COQ8A: variants seen among roughly 807,000 people sequenced by gnomAD.
The protein encoded by COQ8A is coenzyme Q8A.
COQ8A carries 51 observed loss-of-function variants against 65.0 expected under a neutral mutation model. The ratio of observed to expected loss-of-function variants is 0.78; its 90% CI spans 0.63 to 0.99. The LOEUF (loss-of-function observed/expected upper bound fraction) is 0.99, where lower values mean the gene tolerates loss of function less well. Among genes scored for constraint, COQ8A ranks in the 50% least tolerant of loss-of-function variants. The pLI is 0.00. For missense variants in COQ8A, 940 were observed against 875.0 expected, an observed-to-expected ratio of 1.07 and a Z score of -0.94; for synonymous variants, 371 against 353.2, an observed-to-expected ratio of 1.05 and a Z score of -0.57.
intron 1 of COQ8A, among the ~76,000 whole-genome samples, chr1:226,943,269 C>A (rs955921914): frequency 5.9e-5 from 9 of 152,222 alleles, no homozygotes; most frequent in African/African-American, 1.9e-4. Context: ...GAGCTGTGTG[C>A]AAAATTAGAC....
At chr1:226,986,253 T>G (rs1279991031) in intron 14 of COQ8A, among the ~76,000 whole-genome samples, 200 bp from the exon 15 acceptor site, 1 of 152,180 alleles carries the variant, frequency 6.6e-6, no homozygotes, top group Non-Finnish European at 1.5e-5. Flanking sequence ...CACTCCCTTT[T>G]GTATCACATC....
At position 226,984,910 on chromosome 1, in the gene COQ8A, A is replaced by G. The variant is rs119468008; in HGVS notation, c.1541A>G (p.Tyr514Cys). The change falls in exon 13 of 15, where the codon TAT (tyrosine) becomes TGT (cysteine). Residue 514 changes from tyrosine to cysteine, a missense_variant. Tyr to Cys is a radical substitution (Grantham distance 194). Coordinates refer to ENST00000366777, the MANE Select transcript of COQ8A (RefSeq NM_020247.5). ...ALLDFGATRE[Y>C]DRSFTDLYIQ... is the part of the protein sequence containing the mutation. ...TTGGATTTTGGGGCAACGCGGGAAT[A>G]TGACAGATCCTTCACCGACCTCTAC... 2.5e-6 allele frequency: 4 copies of G among 1,614,048 alleles called. No individual in the cohort carries two copies. Among genetic ancestry groups the G allele is most frequent in the Non-Finnish European group, 3.4e-6 (4 of 1,180,030 alleles).
intron 1 of COQ8A, among the ~76,000 whole-genome samples, chr1:226,957,166 C>G (rs1276541705): frequency 2.7e-5 from 4 of 149,836 alleles, no homozygotes; most frequent in African/African-American, 9.8e-5. Context: ...TTCCGCTCTC[C>G]CTGGCTTCTG....
At chr1:226,977,581 C>T in intron 5 of COQ8A, 58 bp downstream of exon 5, 1 of 1,511,020 alleles carries the variant, frequency 6.6e-7, no homozygotes, top group South Asian at 1.2e-5. Context: ...TTGAGCCTGT[C>T]AGCCCCCAGC....
chr1:226,945,800 G>A (rs1042554142), intron 1 of COQ8A, among the ~76,000 whole-genome samples: 5 of 152,240 alleles, frequency 3.3e-5, no homozygotes, highest in Non-Finnish European at 1.5e-5. Flanking sequence ...CGGGGGTGAC[G>A]CAGAGGAAGC....
chr1:226,986,077 GGT>G (rs1286694491), intron 14 of COQ8A, among the ~76,000 whole-genome samples: 3 of 152,182 alleles, frequency 2.0e-5, no homozygotes, highest in East Asian at 3.9e-4. Context: ...ACGGCTGCTG[GGT>G]GTGTCTTGGG....
At chr1:226,953,186 C>T (rs1308224288) in intron 1 of COQ8A, among the ~76,000 whole-genome samples, 5 of 152,088 alleles carry the variant, frequency 3.3e-5, no homozygotes, top group Non-Finnish European at 2.9e-5. Context: ...CATGCCACCA[C>T]GCTTGGATAA....
At chr1:226,945,742 G>A (rs2148002212) in intron 1 of COQ8A, among the ~76,000 whole-genome samples, 1 of 152,344 alleles carries the variant, frequency 6.6e-6, no homozygotes, top group South Asian at 2.1e-4. Flanking sequence ...AGGAACAGCT[G>A]CCTGCTGGCT....
chr1:226,970,026 G>A (rs897177305), intron 4 of COQ8A, among the ~76,000 whole-genome samples: 5 of 152,120 alleles, frequency 3.3e-5, no homozygotes, highest in East Asian at 1.9e-4. Flanking sequence ...GAGTGCAGCG[G>A]CGTGATCTCG....
chr1:226,964,682 T>C (rs1261961432), intron 2 of COQ8A, among the ~76,000 whole-genome samples: 1 of 152,208 alleles, frequency 6.6e-6, no homozygotes, highest in African/African-American at 2.4e-5. Context: ...CCTGGAGGCC[T>C]TCTTGGCCCT....
At chr1:226,983,340 C>T in intron 8 of COQ8A, 1 of 674,412 alleles carries the variant, frequency 1.5e-6, no homozygotes, top group Non-Finnish European at 2.6e-6. Context: ...TGAGCTGTTC[C>T]CAGGGGTGAG....
At chr1:226,945,298 A>G (rs1454048016) in intron 1 of COQ8A, among the ~76,000 whole-genome samples, 1 of 152,152 alleles carries the variant, frequency 6.6e-6, no homozygotes, top group Non-Finnish European at 1.5e-5. Context: ...CCTCATCACA[A>G]TATATGCGGT....
At chr1:226,984,430 CAA>C in intron 11 of COQ8A, 116 bp from the exon 12 acceptor site, 1 of 1,268,276 alleles carries the variant, frequency 7.9e-7, no homozygotes, top group Non-Finnish European at 1.1e-6. Context: ...CACTGGGAAT[CAA>C]ACAGTCCCTA....
intron 1 of COQ8A, among the ~76,000 whole-genome samples, chr1:226,945,414 T>C (rs1361112481): frequency 6.6e-6 from 1 of 152,184 alleles, no homozygotes; most frequent in South Asian, 2.1e-4. Context: ...AAGTTCAAGC[T>C]CAGAGCCTGG....
chr1:226,984,573 G>C lies in COQ8A; in HGVS notation c.1424G>C (p.Cys475Ser), dbSNP rs757826123. 6.2e-7 allele frequency: 1 copy of C among 1,614,100 alleles called. No homozygotes were observed. Among genetic ancestry groups the C allele is most frequent in the Non-Finnish European group, 8.5e-7 (1 of 1,179,938 alleles). Reference protein sequence around the residue: ...NEICYNILVLCLRELFEFHFM... With the variant: ...NEICYNILVLSLRELFEFHFM... ...ATCTGCTACAACATCCTGGTTCTGT[G>C]CCTGAGGGAGCTGTTCGAGTTCCAC... Residue 475 changes from cysteine to serine, a missense_variant, in exon 12 of 15, where the codon TGC becomes TCC. Cys to Ser is a moderately radical substitution (Grantham distance 112, BLOSUM62 -1). Transcript: ENST00000366777.
rs1399193225 is a variant in COQ8A at position 226,982,706 on chromosome 1, T to A, written c.882T>A (p.Ala294=). Residue 294 remains alanine (A), a synonymous_variant, in exon 7 of 15, where the codon GCT becomes GCA. Transcript: ENST00000366777. ...QDDAFINPHL[A]KIFERVRQSA... is the part of the protein sequence containing the mutation. ...ATGCCTTTATCAACCCCCACCTGGCTAAGATCTTCGAGCGGGTGCGGCAGA... is the reference window on the plus strand; with the variant it reads ...ATGCCTTTATCAACCCCCACCTGGCAAAGATCTTCGAGCGGGTGCGGCAGA... 2 of 1,613,586 alleles carry A rather than the reference T, an allele frequency of 1.2e-6. No homozygotes were observed. The highest frequency in any genetic ancestry group is 2.7e-5 in the African/African-American group (2 of 74,934).
At chr1:226,976,121 TGGCTGTGG>T (rs1257834190) in intron 4 of COQ8A, among the ~76,000 whole-genome samples, 120 of 134,448 alleles carry the variant, frequency 8.9e-4, no homozygotes, top group African/African-American at 3.3e-3. Flanking sequence ...CGATGTTGCC[TGGCTGTGG>T]GGCTGCGGGA....
chr1:226,985,625 G>A (rs1027741678), intron 14 of COQ8A, among the ~76,000 whole-genome samples: 7 of 152,186 alleles, frequency 4.6e-5, no homozygotes, highest in South Asian at 2.1e-4. Context: ...TTGAGCCAAC[G>A]TGCAGAGCAA....
chr1:226,965,368 G>A lies in COQ8A; in HGVS notation c.546G>A (p.Arg182=). The A allele has an allele frequency of 1.9e-6, 3 of 1,612,154 alleles. No individual in the cohort carries two copies. The highest frequency in any genetic ancestry group is 1.1e-5 in the South Asian group (1 of 90,670). The part of the protein sequence containing the change: ...GLTAEDIEKA[R]QAKARPENKQ... ...CAGCCGAGGACATTGAGAAGGCCCG[G>A]CAGGCTAAGGCTCGCCCCGAGAACA... is the stretch of plus-strand genomic sequence containing the variant. Residue 182 remains arginine, a synonymous_variant, in exon 3 of 15, where the codon CGG becomes CGA. Transcript: ENST00000366777.
Sources: allele counts gnomAD v4.1 joint callset (sites outside exome capture counted in the v4.1 genomes callset), GRCh38; gene constraint gnomAD v4.1.1; transcripts MANE v1.5; gene names NCBI Gene and HGNC (gene_info 2026-07-23, HGNC 2026-07-21).